The following THADA variants were observed in gnomAD, a reference collection of about 807,000 sequenced individuals.
THADA encodes THADA armadillo repeat containing, also known as tRNA (32-2'-O)-methyltransferase regulator THADA.
In THADA, 213 loss-of-function variants were observed where a neutral mutation model predicts 219.8. The ratio of observed to expected loss-of-function variants is 0.97; its 90% CI spans 0.87 to 1.09. The LOEUF (loss-of-function observed/expected upper bound fraction) is 1.09. Among genes scored for constraint, THADA ranks in the 50% least tolerant of loss-of-function variants. THADA has a pLI of 0.00. For missense variants in THADA, 2,956 were observed against 2,311.3 expected, an observed-to-expected ratio of 1.28 and a Z score of -5.72; for synonymous variants, 1,018 against 828.9, an observed-to-expected ratio of 1.23 and a Z score of -3.92.
chr2:43,579,187 C>T (rs1205301139), intron 8 of THADA, among the ~76,000 whole-genome samples: 2 of 152,194 alleles, frequency 1.3e-5, no homozygotes, highest in Non-Finnish European at 2.9e-5. Flanking sequence ...ATTCCTTCCT[C>T]TCTCCTCTAA....
At chr2:43,537,783 T>C (rs1694790922) in intron 21 of THADA, among the ~76,000 whole-genome samples, 1 of 149,772 alleles carries the variant, frequency 6.7e-6, no homozygotes, top group South Asian at 2.1e-4. Context: ...CCTGGCAACA[T>C]GGTGAGATCC....
chr2:43,474,571 G>GA (rs1480555288), intron 26 of THADA, among the ~76,000 whole-genome samples: 1 of 151,830 alleles, frequency 6.6e-6, no homozygotes, highest in African/African-American at 2.4e-5. Flanking sequence ...GAATGATGAA[G>GA]AAAAAAAATG....
chr2:43,429,956 C>T (rs940184805), intron 27 of THADA, among the ~76,000 whole-genome samples: 4 of 152,130 alleles, frequency 2.6e-5, no homozygotes, highest in Non-Finnish European at 5.9e-5. Context: ...ATTGCTTGAG[C>T]TCAGGAGTTT....
intron 26 of THADA, among the ~76,000 whole-genome samples, chr2:43,433,447 T>G (rs577822499): frequency 1.6e-4 from 24 of 151,972 alleles, no homozygotes; most frequent in Non-Finnish European, 2.9e-4. Flanking sequence ...GAGAATCACT[T>G]GAACCTGGGA....
intron 26 of THADA, among the ~76,000 whole-genome samples, chr2:43,450,943 A>T (rs922851372): frequency 2.0e-5 from 3 of 152,218 alleles, no homozygotes; most frequent in African/African-American, 7.2e-5. Context: ...GGGGCACTGG[A>T]GGAAAAGGGG....
chr2:43,407,644 A>C (rs1337836980), intron 28 of THADA, among the ~76,000 whole-genome samples: 1 of 152,186 alleles, frequency 6.6e-6, no homozygotes, highest in Non-Finnish European at 1.5e-5. Context: ...CTTTTTGACA[A>C]TAATCTGTTA....
intron 26 of THADA, among the ~76,000 whole-genome samples, chr2:43,471,419 C>T (rs1270352883): frequency 8.6e-5 from 13 of 151,944 alleles, no homozygotes; most frequent in African/African-American, 2.4e-4. Flanking sequence ...CCCAGTTACT[C>T]GGCGGCGGGG....
At chr2:43,563,620 G>A (rs769527129) in intron 15 of THADA, 2 of 152,098 alleles carry the variant, frequency 1.3e-5, no homozygotes, top group Non-Finnish European at 1.5e-5. Context: ...TAATAAGCAC[G>A]AAATTAATAT....
At chr2:43,511,475 A>G (rs965476749) in intron 22 of THADA, among the ~76,000 whole-genome samples, 10 of 152,130 alleles carry the variant, frequency 6.6e-5, no homozygotes, top group African/African-American at 2.4e-4. Flanking sequence ...GCTCTTGACT[A>G]TTAACCAAAT....
intron 24 of THADA, among the ~76,000 whole-genome samples, chr2:43,503,592 T>C (rs777401766): frequency 6.6e-6 from 1 of 152,202 alleles, no homozygotes; most frequent in Non-Finnish European, 1.5e-5. Flanking sequence ...GTCTCTGTAA[T>C]GTTTAATTTT....
intron 28 of THADA, among the ~76,000 whole-genome samples, chr2:43,418,200 G>T (rs1573548854): frequency 6.6e-6 from 1 of 152,164 alleles, no homozygotes; most frequent in East Asian, 1.9e-4. Flanking sequence ...TTTTGAATGT[G>T]GGCATATTAT....
rs148622923 is a variant in THADA at position 43,468,823 on chromosome 2, T to C, written c.3836+16411A>G. ...AGTGCTGGGATGACCATTACCACAT[T>C]TATTCCTCACAACTCTAGAAGCAGA... is the stretch of plus-strand genomic sequence containing the variant. On this transcript the variant is annotated intron_variant, in intron 26 of 37. Transcript: ENST00000405975. Among the ~76,000 whole-genome samples the C allele has an allele frequency of 6.8e-4, 104 of 152,206 alleles. 1 individual carries two copies. The highest frequency in any genetic ancestry group is 2.5e-3 in the African/African-American group (104 of 41,538).
chr2:43,406,447 G>A (rs1416591022), intron 28 of THADA, among the ~76,000 whole-genome samples: 2 of 152,142 alleles, frequency 1.3e-5, no homozygotes, highest in East Asian at 1.9e-4. Context: ...TCATTTAAAT[G>A]TTTCATCATT....
At chr2:43,286,447 A>G (rs1326328678) in intron 35 of THADA, among the ~76,000 whole-genome samples, 1 of 152,128 alleles carries the variant, frequency 6.6e-6, no homozygotes, top group Non-Finnish European at 1.5e-5. Context: ...GCTGGTTAAG[A>G]GTGTGTTGGT....
chr2:43,265,299 A>G (rs1449541607), intron 36 of THADA, among the ~76,000 whole-genome samples: 3 of 152,250 alleles, frequency 2.0e-5, no homozygotes, highest in Admixed American at 2.0e-4. Context: ...TTTTGAGTGT[A>G]TATTTTAAAA....
intron 25 of THADA, chr2:43,486,609 T>C (rs1686950017): frequency 6.6e-6 from 1 of 152,218 alleles, no homozygotes; most frequent in South Asian, 2.1e-4. Context: ...CGTTAAGATT[T>C]AGAAAACAGC....
chr2:43,358,344 AAAGAT>A (rs1473978085), intron 29 of THADA, among the ~76,000 whole-genome samples: 3 of 152,096 alleles, frequency 2.0e-5, no homozygotes, highest in Non-Finnish European at 4.4e-5. Context: ...GAGAGAAATC[AAAGAT>A]AAGAAACTTT....
chr2:43,525,342 C>A (rs574917199), intron 22 of THADA, among the ~76,000 whole-genome samples: 1 of 152,180 alleles, frequency 6.6e-6, no homozygotes, highest in Non-Finnish European at 1.5e-5. Flanking sequence ...TATGATCTTG[C>A]CACTTTGCTG....
intron 36 of THADA, among the ~76,000 whole-genome samples, chr2:43,240,746 T>A (rs2104058361): frequency 6.6e-6 from 1 of 152,328 alleles, no homozygotes; most frequent in Non-Finnish European, 1.5e-5. Flanking sequence ...TGGAAGGGGA[T>A]CATCTCCCCA....
Sources: gnomAD v4.1 joint callset for allele counts (sites outside exome capture counted in the v4.1 genomes callset) on GRCh38, gnomAD v4.1.1 for gene constraint, MANE v1.5 for transcripts, NCBI Gene and HGNC (gene_info 2026-07-23, HGNC 2026-07-21) for gene names.